CWC27: variants seen among roughly 807,000 people sequenced by gnomAD.
The protein encoded by CWC27 is CWC27 spliceosome associated cyclophilin.
In CWC27, 47 loss-of-function variants were observed where a neutral mutation model predicts 63.6. The ratio of observed to expected loss-of-function variants is 0.74; its 90% CI spans 0.58 to 0.94. The LOEUF (loss-of-function observed/expected upper bound fraction) is 0.94, where lower values mean the gene tolerates loss of function less well. Ranked by LOEUF, CWC27 falls within the 40% of genes least tolerant of loss-of-function variation. The pLI, the probability that CWC27 is intolerant of heterozygous loss-of-function variation, is 0.00. For missense variants in CWC27, 495 were observed against 554.3 expected, an observed-to-expected ratio of 0.89 and a Z score of 1.07; for synonymous variants, 175 against 179.8, an observed-to-expected ratio of 0.97 and a Z score of 0.22.
intron 11 of CWC27, among the ~76,000 whole-genome samples, chr5:64,903,171 C>T (rs769389833): frequency 2.6e-4 from 39 of 152,100 alleles, no homozygotes; most frequent in Admixed American, 4.6e-4. Context: ...AATCCCATTA[C>T]GGGGTATATA....
intron 10 of CWC27, among the ~76,000 whole-genome samples, chr5:64,882,671 G>T (rs535125179): frequency 6.6e-6 from 1 of 152,272 alleles, no homozygotes; most frequent in African/African-American, 2.4e-5. Flanking sequence ...TTGGCTCACT[G>T]CAGGCTCCGC....
chr5:64,940,361 G>C (rs2112413666), intron 11 of CWC27, among the ~76,000 whole-genome samples: 1 of 152,256 alleles, frequency 6.6e-6, no homozygotes, highest in Non-Finnish European at 1.5e-5. Flanking sequence ...CCCTTGGCTG[G>C]GGGAGGGAGT....
chr5:64,883,900 A>G (rs913401158), intron 10 of CWC27, among the ~76,000 whole-genome samples: 2 of 152,174 alleles, frequency 1.3e-5, no homozygotes, highest in South Asian at 2.1e-4. Context: ...AAGAGAGAAG[A>G]TAATTTCTAT....
chr5:64,875,771 A>G (rs1746779589), intron 10 of CWC27, among the ~76,000 whole-genome samples: 1 of 152,128 alleles, frequency 6.6e-6, no homozygotes, highest in Non-Finnish European at 1.5e-5. Context: ...TTGCCTTTTT[A>G]ATCTCTTTTG....
At chr5:64,769,376 A>G (rs1315284350) in intron 1 of CWC27, among the ~76,000 whole-genome samples, 188 bp downstream of exon 1, 2 of 152,224 alleles carry the variant, frequency 1.3e-5, no homozygotes, top group South Asian at 2.1e-4. Flanking sequence ...ATGTACTTGA[A>G]GAAGTCAAGT....
At chr5:64,988,260 T>A (rs749284947) in intron 13 of CWC27, among the ~76,000 whole-genome samples, 2 of 152,258 alleles carry the variant, frequency 1.3e-5, no homozygotes, top group Non-Finnish European at 2.9e-5. Context: ...TTTAAAAGTC[T>A]GTGTCAAATA....
intron 10 of CWC27, among the ~76,000 whole-genome samples, chr5:64,857,875 C>T (rs923788882): frequency 2.0e-4 from 29 of 147,652 alleles, no homozygotes; most frequent in Middle Eastern, 7.8e-3. Context: ...CGGTGGCTCA[C>T]GCTTGTAATC....
At chr5:64,810,810 T>A (rs1402496145) in intron 10 of CWC27, among the ~76,000 whole-genome samples, 1 of 152,098 alleles carries the variant, frequency 6.6e-6, no homozygotes, top group Non-Finnish European at 1.5e-5. Flanking sequence ...TAAAAGTGGA[T>A]GATATTTTGT....
At chr5:64,794,058 G>T (rs960864953) in intron 7 of CWC27, among the ~76,000 whole-genome samples, 6 of 152,180 alleles carry the variant, frequency 3.9e-5, no homozygotes, top group Admixed American at 2.6e-4. Context: ...GAATTTTATA[G>T]CTCAAAGGGA....
intron 10 of CWC27, among the ~76,000 whole-genome samples, chr5:64,813,111 A>G (rs184031827): frequency 2.0e-5 from 3 of 152,152 alleles, no homozygotes; most frequent in Admixed American, 1.3e-4. Context: ...ATGTTGCATA[A>G]TCTCTCAATG....
At chr5:64,949,673 T>A (rs1056709851) in intron 11 of CWC27, among the ~76,000 whole-genome samples, 3 of 152,046 alleles carry the variant, frequency 2.0e-5, no homozygotes, top group African/African-American at 7.2e-5. Context: ...TCACTATGGA[T>A]CCCATGTTCC....
chr5:64,947,088 T>G (rs1212091538), intron 11 of CWC27, among the ~76,000 whole-genome samples: 1 of 152,140 alleles, frequency 6.6e-6, no homozygotes, highest in African/African-American at 2.4e-5. Flanking sequence ...ATTTCTTGTA[T>G]CAGCAACCTG....
intron 11 of CWC27, among the ~76,000 whole-genome samples, chr5:64,908,922 C>T (rs1317334665): frequency 1.3e-5 from 2 of 152,156 alleles, no homozygotes; most frequent in Non-Finnish European, 2.9e-5. Context: ...TTCATCCTGT[C>T]CTTATGATGT....
chr5:65,008,285 T>G (rs1749886675), intron 13 of CWC27, among the ~76,000 whole-genome samples: 1 of 152,244 alleles, frequency 6.6e-6, no homozygotes, highest in African/African-American at 2.4e-5. Context: ...ATCTGAACTG[T>G]TCTAAAAATA....
chr5:64,808,780 A>G (rs941416722), intron 10 of CWC27, among the ~76,000 whole-genome samples: 7 of 152,186 alleles, frequency 4.6e-5, no homozygotes, highest in African/African-American at 1.2e-4. Context: ...ATGTTCCATT[A>G]TAGGAGTGGT....
chr5:64,957,224 G>T (rs1255123006), intron 11 of CWC27, among the ~76,000 whole-genome samples: 1 of 152,090 alleles, frequency 6.6e-6, no homozygotes, highest in African/African-American at 2.4e-5. Flanking sequence ...GCAATTTTAG[G>T]TAGTACTTCT....
At chr5:64,997,587 C>G (rs918563240) in intron 13 of CWC27, among the ~76,000 whole-genome samples, 6 of 152,044 alleles carry the variant, frequency 3.9e-5, no homozygotes, top group African/African-American at 1.4e-4. Context: ...TAATAACTCT[C>G]AGTGATTAAC....
chr5:64,943,576 T>C (rs887355795), intron 11 of CWC27, among the ~76,000 whole-genome samples: 3 of 152,224 alleles, frequency 2.0e-5, no homozygotes, highest in East Asian at 1.9e-4. Flanking sequence ...CAAATACTTA[T>C]TCAATGTCTA....
chr5:64,999,212 A>G (rs1749689232), intron 13 of CWC27, among the ~76,000 whole-genome samples: 2 of 152,042 alleles, frequency 1.3e-5, no homozygotes, highest in Admixed American at 6.6e-5. Context: ...GTACATAAAC[A>G]CTTTTTAATT....
Sources: allele counts gnomAD v4.1 joint callset (sites outside exome capture counted in the v4.1 genomes callset), GRCh38; gene constraint gnomAD v4.1.1; transcripts MANE v1.5; gene names NCBI Gene and HGNC (gene_info 2026-07-23, HGNC 2026-07-21).